The following TNFAIP1 variants were observed in gnomAD, a reference collection of about 807,000 sequenced individuals.
TNFAIP1 encodes the protein TNF alpha induced protein 1.
TNFAIP1 carries 20 observed loss-of-function variants against 32.6 expected under a neutral mutation model. The observed-to-expected ratio is 0.61, with a 90% CI of 0.43 to 0.89. TNFAIP1 has a LOEUF of 0.89. Ranked by LOEUF, TNFAIP1 falls within the 40% of genes least tolerant of loss-of-function variation. The pLI is 0.00. For missense variants in TNFAIP1, 319 were observed against 425.1 expected (o/e 0.75, Z 2.20); for synonymous variants, 166 against 166.8 (o/e 1.00, Z 0.04).
At chr17:28,344,181 T>C (rs987345710) in intron 6 of TNFAIP1, among the ~76,000 whole-genome samples, 183 bp from the exon 7 acceptor site, 4 of 152,130 alleles carry the variant, frequency 2.6e-5, no homozygotes. Context: ...CCTGTCCTCA[T>C]GTCTGTAGAG....
rs1344570312 is a variant in TNFAIP1, at chr17:28,340,141, T to G, written c.206-168T>G. Among the ~76,000 whole-genome samples, 1 of 152,038 alleles carries G rather than the reference T, an allele frequency of 6.6e-6. No homozygotes were observed. The highest frequency in any genetic ancestry group is 1.5e-5 in the Non-Finnish European group (1 of 67,996). On this transcript the variant is annotated intron_variant, in intron 2 of 6. Transcript: ENST00000226225. This position sits in a 1 kb window ranked among gnomAD's most constrained non-coding sequence, Gnocchi z 4.1. ...AGAGAGGAAGGGTGAAGAGCAGCCA[T>G]GGGCCTGAGTGCTAGAACCTCCATC...
At chr17:28,341,080 C>T (rs1907345813) in intron 3 of TNFAIP1, among the ~76,000 whole-genome samples, 157 bp from the exon 4 acceptor site, 1 of 152,120 alleles carries the variant, frequency 6.6e-6, no homozygotes, top group Admixed American at 6.5e-5. Context: ...GTCTGCTTTC[C>T]AGCTGGCAGT....
chr17:28,337,240 CCT>C (rs1907208281), intron 1 of TNFAIP1, among the ~76,000 whole-genome samples: 2 of 152,132 alleles, frequency 1.3e-5, no homozygotes, highest in Non-Finnish European at 1.5e-5. Context: ...ATATCACTCC[CCT>C]GCTTGCAACC....
At chr17:28,343,851 C>T (rs1907451066) in intron 6 of TNFAIP1, among the ~76,000 whole-genome samples, 1 of 152,164 alleles carries the variant, frequency 6.6e-6, no homozygotes, top group Non-Finnish European at 1.5e-5. Flanking sequence ...CGGTGACACA[C>T]TGCGTCAGGC....
Position 28,342,506 on chromosome 17 carries a change from C to A in TNFAIP1, c.714+64C>A. The A allele has an allele frequency of 1.4e-6, 2 of 1,474,746 alleles. No individual in the cohort carries two copies. The highest frequency in any genetic ancestry group is 2.7e-5 in the South Asian group (2 of 74,524). 91.4% of individuals were successfully genotyped at this position (1,474,746 alleles called of 1,614,324 possible). ...ACACCCACTGTGCGGGGGACGTGGT[C>A]GGGCTGTGACCAGCACGGAGCAAAA... is the stretch of plus-strand genomic sequence containing the variant. On this transcript the variant is annotated intron_variant, in intron 6 of 6. Transcript: ENST00000226225. This position sits in a 1 kb window ranked among gnomAD's most constrained non-coding sequence, Gnocchi z 4.0.
chr17:28,337,977 G>A (rs546345527), intron 1 of TNFAIP1, among the ~76,000 whole-genome samples: 4 of 152,186 alleles, frequency 2.6e-5, no homozygotes, highest in Admixed American at 6.5e-5. Flanking sequence ...TGCCTGGCAC[G>A]TAGGGGTACA....
At chr17:28,344,093 CTAG>C (rs1907458839) in intron 6 of TNFAIP1, among the ~76,000 whole-genome samples, 1 of 152,168 alleles carries the variant, frequency 6.6e-6, no homozygotes, top group African/African-American at 2.4e-5. Flanking sequence ...GTGTTGGGAC[CTAG>C]CTCTGGCCCA....
chr17:28,340,476 C>A lies in TNFAIP1; in HGVS notation c.373C>A (p.Gln125Lys), dbSNP rs899642644. 1.9e-6 allele frequency: 3 copies of A among 1,613,404 alleles called. No homozygotes were observed. Among genetic ancestry groups the A allele is most frequent in the Admixed American group, 1.7e-5 (1 of 59,992 alleles). The stretch of plus-strand genomic sequence containing the variant: ...GGTGAATATGTGCCAGAGTGCCCTG[C>A]AGGTACATGGGTGGGGCGGAGCAGG... ...GLVNMCQSAL[Q>K]DKKDSYQPVC... The change falls in exon 3 of 7, where the codon CAG (glutamine) becomes AAG (lysine). Residue 125 changes from glutamine to lysine, a missense_variant and splice_region_variant. Physicochemically the swap from Gln to Lys is moderately conservative, Grantham distance 53. Transcript: ENST00000226225. This position sits in a 1 kb window ranked among gnomAD's most constrained non-coding sequence, Gnocchi z 4.1.
In TNFAIP1 at chr17:28,344,403, A is replaced by G; in HGVS notation, c.754A>G (p.Asn252Asp). The G allele has an allele frequency of 1.2e-6, 2 of 1,613,866 alleles. No homozygotes were observed. The highest frequency in any genetic ancestry group is 1.7e-6 in the Non-Finnish European group (2 of 1,179,988). The change falls in exon 7 of 7, where the codon AAC becomes GAC. Residue 252 changes from asparagine (N) to aspartate (D), a missense_variant. Asn to Asp is a conservative substitution (Grantham distance 23). Coordinates refer to ENST00000226225, the MANE Select transcript of TNFAIP1 (RefSeq NM_021137.5). ...PEARIYEETL[N>D]VLLYETPRVP... ...GGCCCGAATCTATGAGGAGACACTC[A>G]ACGTCCTACTCTATGAGACTCCCCG...
At position 28,342,663 on chromosome 17, in the gene TNFAIP1, C is replaced by A. The variant is rs1421930154; in HGVS notation, c.714+221C>A. On this transcript the variant is annotated intron_variant, in intron 6 of 6. Transcript: ENST00000226225. This position sits in a 1 kb window ranked among gnomAD's most constrained non-coding sequence, Gnocchi z 4.0. The stretch of plus-strand genomic sequence containing the variant: ...AGCGCAGGGCAGGGGCCGTTGACCA[C>A]CAGGAAGTAGCCTAGTACAGTGGGA... Among the ~76,000 whole-genome samples, 1 of 152,216 alleles carries A rather than the reference C, an allele frequency of 6.6e-6. No homozygotes were observed. Among genetic ancestry groups the A allele is most frequent in the Admixed American group, 6.5e-5 (1 of 15,284 alleles).
At chr17:28,336,723 G>A (rs1907178026) in intron 1 of TNFAIP1, among the ~76,000 whole-genome samples, 1 of 152,108 alleles carries the variant, frequency 6.6e-6, no homozygotes, top group Non-Finnish European at 1.5e-5. Context: ...CAACCTCCTG[G>A]TGAGGGCTCA....
chr17:28,341,635 G>T (rs1028286610), intron 5 of TNFAIP1, among the ~76,000 whole-genome samples, 179 bp downstream of exon 5: 1 of 152,240 alleles, frequency 6.6e-6, no homozygotes, highest in Non-Finnish European at 1.5e-5. Flanking sequence ...TCAGCAGGGT[G>T]CCCTGGCTGG....
Position 28,344,595 on chromosome 17 carries a change from G to T in TNFAIP1, c.946G>T (p.Asp316Tyr). The part of the protein sequence containing the change: ...RQLGHQSTHR[D>Y] ...GCTCGGCCACCAGTCTACCCATCGCGACTGACCAGACCCTCAGGGAGTCAG... is the reference window on the plus strand; with the variant it reads ...GCTCGGCCACCAGTCTACCCATCGCTACTGACCAGACCCTCAGGGAGTCAG... Residue 316 changes from aspartate to tyrosine, a missense_variant, in exon 7 of 7, where the codon GAC becomes TAC. Coordinates refer to ENST00000226225, the MANE Select transcript of TNFAIP1 (RefSeq NM_021137.5). 1.2e-6 allele frequency: 2 copies of T among 1,612,094 alleles called. No individual in the cohort carries two copies. Among genetic ancestry groups the T allele is most frequent in the Non-Finnish European group, 1.7e-6 (2 of 1,179,980 alleles).
At chr17:28,341,723 A>G (rs968007114) in intron 5 of TNFAIP1, among the ~76,000 whole-genome samples, 2 of 152,214 alleles carry the variant, frequency 1.3e-5, no homozygotes, top group Non-Finnish European at 2.9e-5. Flanking sequence ...CACACGTGTC[A>G]TCCTACCGGG....
Position 28,340,328 on chromosome 17 carries a change from T to C in TNFAIP1, c.225T>C (p.Arg75=), listed in dbSNP as rs1436274997. ...TDKEGWILID[R]CGKHFGTILN... is the part of the protein sequence containing the mutation. Reference sequence around the variant, plus strand: ...CCCTAGGCTGGATCCTCATAGACCGTTGTGGAAAGCACTTTGGCACCATTT... The same window carrying C: ...CCCTAGGCTGGATCCTCATAGACCGCTGTGGAAAGCACTTTGGCACCATTT... Residue 75 remains arginine, a synonymous_variant, in exon 3 of 7, where the codon CGT becomes CGC. Transcript: ENST00000226225. The surrounding 1 kb of genome is among the most constrained non-coding windows in gnomAD (Gnocchi z 4.1). The C allele has an allele frequency of 1.2e-6, 2 of 1,613,928 alleles. No individual in the cohort carries two copies. Among genetic ancestry groups the C allele is most frequent in the Admixed American group, 1.7e-5 (1 of 60,022 alleles).
rs1343127564 is a variant in TNFAIP1 at position 28,346,654 on chromosome 17, G to A, written c.*2054G>A. 1 of 152,214 alleles carries A rather than the reference G, an allele frequency of 6.6e-6. No homozygotes were observed. The highest frequency in any genetic ancestry group is 1.5e-5 in the Non-Finnish European group (1 of 68,036). 9.4% of individuals were successfully genotyped at this position (152,214 alleles called of 1,614,324 possible). ...GACATGATCTTAGCTTCTTTAATCA[G>A]ACTTTGTGACTTAAAAGTTTGGGGG... is the stretch of plus-strand genomic sequence containing the variant. On this transcript the variant is annotated 3_prime_UTR_variant, in exon 7 of 7. Transcript: ENST00000226225.
intron 3 of TNFAIP1, 143 bp from the exon 4 acceptor site, chr17:28,341,094 T>C: frequency 1.2e-6 from 1 of 842,654 alleles, no homozygotes; most frequent in Non-Finnish European, 1.9e-6. Context: ...TGGCAGTTTC[T>C]ATTGTCAGGG....
At chr17:28,336,987 T>C (rs1907194785) in intron 1 of TNFAIP1, among the ~76,000 whole-genome samples, 1 of 152,262 alleles carries the variant, frequency 6.6e-6, no homozygotes, top group Non-Finnish European at 1.5e-5. Context: ...AGTGCCCTGC[T>C]TCTGGGTTGC....
intron 3 of TNFAIP1, 116 bp from the exon 4 acceptor site, chr17:28,341,121 C>A: frequency 9.3e-7 from 1 of 1,074,306 alleles, no homozygotes; most frequent in Non-Finnish European, 1.4e-6. Context: ...TGATCTGTAT[C>A]TGACACTTCC....
Sources: allele counts gnomAD v4.1 joint callset (sites outside exome capture counted in the v4.1 genomes callset), GRCh38; gene constraint gnomAD v4.1.1; non-coding constraint Gnocchi (gnomAD v3.1); transcripts MANE v1.5; gene names NCBI Gene and HGNC (gene_info 2026-07-23, HGNC 2026-07-21).